The following CDC42BPA variants were observed in gnomAD, a reference collection of about 807,000 sequenced individuals.
CDC42BPA encodes the protein CDC42 binding protein kinase alpha, also known as serine/threonine-protein kinase MRCK alpha.
A neutral mutation model predicts 223.5 loss-of-function variants in CDC42BPA; 80 were observed. The observed-to-expected ratio is 0.36, with a 90% CI of 0.30 to 0.43. CDC42BPA has a LOEUF of 0.43. Ranked by LOEUF, CDC42BPA falls within the 20% of genes least tolerant of loss-of-function variation. The pLI, the probability that CDC42BPA is intolerant of heterozygous loss-of-function variation, is 1.00. For synonymous variants in CDC42BPA, 694 were observed against 718.6 expected (o/e 0.97, Z 0.55); for missense variants, 1,743 against 2,099.9 (o/e 0.83, Z 3.32).
intron 34 of CDC42BPA, among the ~76,000 whole-genome samples, chr1:227,010,319 T>C (rs1410413415): frequency 6.6e-6 from 1 of 152,222 alleles, no homozygotes; most frequent in Non-Finnish European, 1.5e-5. Context: ...ACTCAAAGAT[T>C]AGTAAAATCT....
chr1:227,111,596 T>C (rs1572875105), intron 14 of CDC42BPA, among the ~76,000 whole-genome samples: 1 of 152,188 alleles, frequency 6.6e-6, no homozygotes, highest in East Asian at 1.9e-4. Context: ...GCAATTCTCC[T>C]GCCTCAGCCT....
intron 6 of CDC42BPA, among the ~76,000 whole-genome samples, chr1:227,159,941 T>G (rs891186344): frequency 6.6e-6 from 1 of 152,036 alleles, no homozygotes; most frequent in African/African-American, 2.4e-5. Context: ...CCTCCCATGC[T>G]CAGGAGATCC....
chr1:227,141,861 C>G (rs1659733380), intron 9 of CDC42BPA, among the ~76,000 whole-genome samples: 1 of 152,122 alleles, frequency 6.6e-6, no homozygotes, highest in African/African-American at 2.4e-5. Flanking sequence ...CCCAGCTACT[C>G]AGGAGGCTGA....
chr1:227,092,430 C>T (rs964753923), intron 15 of CDC42BPA, among the ~76,000 whole-genome samples: 2 of 152,188 alleles, frequency 1.3e-5, no homozygotes. Flanking sequence ...AGAGAACGTA[C>T]ATCAAGGTTG....
intron 5 of CDC42BPA, among the ~76,000 whole-genome samples, chr1:227,187,687 C>T (rs1259124561): frequency 1.9e-4 from 15 of 80,494 alleles, no homozygotes; most frequent in Admixed American, 6.4e-4. Context: ...CCACCCCCCC[C>T]CCAAAAAAAA....
chr1:227,011,068 C>A, intron 34 of CDC42BPA: 5 of 1,309,120 alleles, frequency 3.8e-6, no homozygotes, highest in Non-Finnish European at 4.0e-6. Flanking sequence ...ACCTGGCTAT[C>A]AAAAACAAAA....
intron 3 of CDC42BPA, among the ~76,000 whole-genome samples, chr1:227,210,006 A>T (rs932030810): frequency 6.6e-6 from 1 of 151,062 alleles, no homozygotes; most frequent in South Asian, 2.1e-4. Context: ...TTTGGTTGGT[A>T]AACTATTGAT....
At chr1:227,224,500 G>A (rs1676509252) in intron 2 of CDC42BPA, among the ~76,000 whole-genome samples, 1 of 152,092 alleles carries the variant, frequency 6.6e-6, no homozygotes, top group African/African-American at 2.4e-5. Context: ...CCAAAGTGCT[G>A]GGATTAGAGG....
At chr1:227,279,008 C>CTT (rs151079127) in intron 1 of CDC42BPA, among the ~76,000 whole-genome samples, 1 of 142,668 alleles carries the variant, frequency 7.0e-6, no homozygotes, top group Non-Finnish European at 1.5e-5. Context: ...TGGTCCTAGC[C>CTT]TTTTTTTTTT....
intron 1 of CDC42BPA, among the ~76,000 whole-genome samples, chr1:227,299,416 C>G (rs1396666900): frequency 6.6e-6 from 1 of 152,072 alleles, no homozygotes. Flanking sequence ...ATTACATCAT[C>G]TCCTTTTACT....
chr1:227,265,090 AAACT>A (rs1265139459), intron 1 of CDC42BPA: 1 of 774,556 alleles, frequency 1.3e-6, no homozygotes, highest in Admixed American at 1.7e-5. Context: ...ATCCAAGGTA[AAACT>A]AACAGTACCA....
At chr1:227,134,426 A>AT (rs1432466444) in intron 10 of CDC42BPA, among the ~76,000 whole-genome samples, 1 of 152,138 alleles carries the variant, frequency 6.6e-6, no homozygotes, top group Admixed American at 6.5e-5. Flanking sequence ...TCCCTAGCTC[A>AT]TTTACTCTTT....
chr1:227,057,774 C>G (rs1674905483), intron 21 of CDC42BPA, among the ~76,000 whole-genome samples: 1 of 152,080 alleles, frequency 6.6e-6, no homozygotes, highest in Non-Finnish European at 1.5e-5. Context: ...AGAATAAAGA[C>G]ATAGAATTAA....
At chr1:227,214,444 G>T (rs1170709918) in intron 2 of CDC42BPA, among the ~76,000 whole-genome samples, 1 of 152,106 alleles carries the variant, frequency 6.6e-6, no homozygotes, top group Non-Finnish European at 1.5e-5. Flanking sequence ...CAATTAAATT[G>T]TTCTCCCAAT....
chr1:227,222,485 C>A (rs7530155), intron 2 of CDC42BPA, among the ~76,000 whole-genome samples: 7,617 of 152,100 alleles, frequency 0.05, 237 homozygotes, highest in Non-Finnish European at 0.072. Flanking sequence ...GGGGACACAG[C>A]GAGACTCTGT....
chr1:227,153,019 C>T (rs1558624999), intron 6 of CDC42BPA, among the ~76,000 whole-genome samples: 1 of 151,698 alleles, frequency 6.6e-6, no homozygotes, highest in Admixed American at 6.6e-5. Context: ...GAAGAAATGT[C>T]AATTCTGAAT....
chr1:227,031,924 C>A (rs952051195), intron 27 of CDC42BPA, among the ~76,000 whole-genome samples: 16 of 152,084 alleles, frequency 1.1e-4, no homozygotes, highest in African/African-American at 3.9e-4. Flanking sequence ...TCATTATATC[C>A]TTATTTTATA....
At chr1:227,156,841 T>C (rs1662910682) in intron 6 of CDC42BPA, among the ~76,000 whole-genome samples, 1 of 151,920 alleles carries the variant, frequency 6.6e-6, no homozygotes, top group South Asian at 2.1e-4. Flanking sequence ...GAGTTATTTT[T>C]CCCTGCAGCT....
chr1:227,121,184 A>C (rs955206387), intron 11 of CDC42BPA, among the ~76,000 whole-genome samples: 1 of 152,196 alleles, frequency 6.6e-6, no homozygotes, highest in Admixed American at 6.5e-5. Context: ...CTAGGAACTT[A>C]GATATGGAGA....
Sources: allele counts gnomAD v4.1 joint callset (sites outside exome capture counted in the v4.1 genomes callset), GRCh38; gene constraint gnomAD v4.1.1; transcripts MANE v1.5; gene names NCBI Gene and HGNC (gene_info 2026-07-23, HGNC 2026-07-21).